Variants in IL1RAP observed in about 807,000 individuals in gnomAD.
The protein encoded by IL1RAP is interleukin 1 receptor accessory protein.
IL1RAP carries 35 observed loss-of-function variants against 60.7 expected under a neutral mutation model. That is an observed-to-expected ratio of 0.58 (90% CI 0.44 to 0.76). IL1RAP has a LOEUF of 0.76. Among genes scored for constraint, IL1RAP ranks in the 30% least tolerant of loss-of-function variants. The probability of loss-of-function intolerance (pLI) is 0.00; values close to 1 mark genes in which losing one functional copy is unlikely to be tolerated. For missense variants in IL1RAP, 572 were observed against 693.9 expected, an observed-to-expected ratio of 0.82 and a Z score of 1.97; for synonymous variants, 268 against 250.9, an observed-to-expected ratio of 1.07 and a Z score of -0.64.
At chr3:190,659,183 T>G (rs1423317025) in exon 12 of IL1RAP, 1 of 152,216 alleles carries the variant, frequency 6.6e-6, no homozygotes, top group Non-Finnish European at 1.5e-5. Flanking sequence ...AATTTTTCAT[T>G]TATACATTAT....
chr3:190,540,038 A>G (rs1233440316), intron 1 of IL1RAP, among the ~76,000 whole-genome samples: 4 of 152,144 alleles, frequency 2.6e-5, no homozygotes, highest in Admixed American at 6.5e-5. Flanking sequence ...TACTTGTTTC[A>G]TCTTAAAACC....
At chr3:190,614,763 G>C (rs192290071) in intron 5 of IL1RAP, among the ~76,000 whole-genome samples, 1 of 152,292 alleles carries the variant, frequency 6.6e-6, no homozygotes, top group East Asian at 1.9e-4. Flanking sequence ...TTTCAGGCCA[G>C]TTCTGTGTGA....
chr3:190,542,321 T>A (rs1277834628), intron 1 of IL1RAP, among the ~76,000 whole-genome samples: 1 of 152,192 alleles, frequency 6.6e-6, no homozygotes, highest in African/African-American at 2.4e-5. Flanking sequence ...TTAATTAAAA[T>A]GAAGCTTTGC....
At chr3:190,592,040 G>T (rs1342108603) in intron 3 of IL1RAP, among the ~76,000 whole-genome samples, 1 of 152,200 alleles carries the variant, frequency 6.6e-6, no homozygotes, top group African/African-American at 2.4e-5. Flanking sequence ...TTTGTTTTGA[G>T]ATGGAATCTC....
At chr3:190,608,651 A>G (rs1023296142) in intron 4 of IL1RAP, among the ~76,000 whole-genome samples, 14 of 149,954 alleles carry the variant, frequency 9.3e-5, no homozygotes, top group African/African-American at 3.5e-4. Flanking sequence ...CTTGAGCTCT[A>G]TTAAAATTTT....
intron 3 of IL1RAP, among the ~76,000 whole-genome samples, chr3:190,579,673 T>G (rs1197563222): frequency 1.3e-5 from 2 of 152,166 alleles, no homozygotes; most frequent in Admixed American, 6.5e-5. Context: ...CACAACAATC[T>G]AATTTTAGAA....
chr3:190,563,862 A>G lies in IL1RAP; in HGVS notation c.-1-427A>G, dbSNP rs574502071. The G allele has an allele frequency of 9.8e-5, 16 of 163,248 alleles. No individual in the cohort carries two copies. In the South Asian group the frequency reaches 2.6e-3, roughly 27 times the overall value. 10.1% of individuals were successfully genotyped at this position (163,248 alleles called of 1,614,324 possible). ...AGAAGGTTGAATTTATCTGCCAGAA[A>G]TGTAAATCCTGGTCAAAAAATCCAG... is the stretch of plus-strand genomic sequence containing the variant. On this transcript the variant is annotated intron_variant, in intron 2 of 11. Coordinates refer to ENST00000447382, the MANE Select transcript of IL1RAP (RefSeq NM_002182.4).
intron 3 of IL1RAP, among the ~76,000 whole-genome samples, chr3:190,602,999 C>A (rs1045288146): frequency 1.3e-5 from 2 of 151,864 alleles, no homozygotes; most frequent in African/African-American, 2.4e-5. Flanking sequence ...TTCTTGTTTT[C>A]TTAAAATAAA....
At chr3:190,617,871 A>G (rs868528517) in intron 5 of IL1RAP, among the ~76,000 whole-genome samples, 2 of 152,176 alleles carry the variant, frequency 1.3e-5, no homozygotes, top group South Asian at 4.1e-4. Context: ...AATTACCCTC[A>G]CACACGTATT....
In IL1RAP at chr3:190,650,131, A is replaced by G. The variant is rs1734309614; in HGVS notation, c.*1426A>G. 2 of 981,244 alleles carry G rather than the reference A, an allele frequency of 2.0e-6. No individual in the cohort carries two copies. The highest frequency in any genetic ancestry group is 2.4e-6 in the Non-Finnish European group (2 of 826,342). 60.8% of individuals were successfully genotyped at this position (981,244 alleles called of 1,614,324 possible). On this transcript the variant is annotated 3_prime_UTR_variant, in exon 12 of 12. Coordinates refer to ENST00000447382, the MANE Select transcript of IL1RAP (RefSeq NM_002182.4). ...GACTTTAAATAGCTATGGGTACAAT[A>G]TTAAAAACCACTGGAACTCTTGTCC...
chr3:190,583,432 T>C (rs1728175777), intron 3 of IL1RAP, among the ~76,000 whole-genome samples: 1 of 152,246 alleles, frequency 6.6e-6, no homozygotes. Flanking sequence ...TCTTTCTATG[T>C]AGTTACTGAT....
intron 1 of IL1RAP, among the ~76,000 whole-genome samples, chr3:190,553,372 AAAAT>A (rs1371652214): frequency 2.6e-5 from 4 of 152,224 alleles, no homozygotes; most frequent in Admixed American, 2.0e-4. Context: ...ACACAAACAA[AAAAT>A]AAATAAACAA....
intron 1 of IL1RAP, among the ~76,000 whole-genome samples, chr3:190,541,638 T>G (rs1415169271): frequency 1.3e-5 from 2 of 152,176 alleles, no homozygotes; most frequent in Non-Finnish European, 2.9e-5. Flanking sequence ...GTAATAAAAT[T>G]GACCATTTTA....
chr3:190,626,589 C>CCCTTCTT (rs1470295844), intron 7 of IL1RAP, among the ~76,000 whole-genome samples: 2 of 151,964 alleles, frequency 1.3e-5, no homozygotes, highest in Non-Finnish European at 2.9e-5. Flanking sequence ...TCCTCAGTCA[C>CCCTTCTT]CCTTCTTGAG....
At chr3:190,617,286 G>A (rs138357777) in intron 5 of IL1RAP, among the ~76,000 whole-genome samples, 2 of 152,050 alleles carry the variant, frequency 1.3e-5, no homozygotes, top group East Asian at 3.9e-4. Context: ...ACACATTGTT[G>A]GTTTCTTGAA....
At chr3:190,516,965 A>G (rs146671443) in intron 1 of IL1RAP, among the ~76,000 whole-genome samples, 1 of 152,290 alleles carries the variant, frequency 6.6e-6, no homozygotes, top group East Asian at 1.9e-4. Context: ...AGTTTAGGGC[A>G]TTTCCCATCA....
chr3:190,654,294 C>T (rs1024740210), downstream of IL1RAP, among the ~76,000 whole-genome samples: 1 of 151,012 alleles, frequency 6.6e-6, no homozygotes, highest in Non-Finnish European at 1.5e-5. Flanking sequence ...TCACATTTCT[C>T]AGGAGCCAGG....
At chr3:190,533,744 C>A (rs965346783) in intron 1 of IL1RAP, among the ~76,000 whole-genome samples, 2 of 152,166 alleles carry the variant, frequency 1.3e-5, no homozygotes, top group African/African-American at 2.4e-5. Flanking sequence ...GAAATAATTC[C>A]TAATGAATGC....
intron 3 of IL1RAP, among the ~76,000 whole-genome samples, chr3:190,592,112 C>T (rs1403119952): frequency 2.0e-5 from 3 of 152,172 alleles, no homozygotes; most frequent in South Asian, 2.1e-4. Flanking sequence ...ATCTGCCTCC[C>T]GGGGTCAAGT....
Sources: allele counts gnomAD v4.1 joint callset (sites outside exome capture counted in the v4.1 genomes callset), GRCh38; gene constraint gnomAD v4.1.1; transcripts MANE v1.5; gene names NCBI Gene and HGNC (gene_info 2026-07-23, HGNC 2026-07-21).